Variants in AGBL1 observed in about 807,000 individuals in gnomAD.
The protein encoded by AGBL1 is cytosolic carboxypeptidase 4.
A neutral mutation model predicts 118.9 loss-of-function variants in AGBL1; 130 were observed. The observed-to-expected ratio is 1.09, with a 90% confidence interval of 0.95 to 1.26. The LOEUF (loss-of-function observed/expected upper bound fraction) is 1.26. AGBL1 is among the 50% of genes most tolerant of loss of function. The pLI is 0.00. For missense variants in AGBL1, 1,584 were observed against 1,298.1 expected (o/e 1.22, Z -3.38); for synonymous variants, 555 against 478.9 (o/e 1.16, Z -2.08).
At chr15:87,013,594 G>T (rs1192398308) in intron 24 of AGBL1, among the ~76,000 whole-genome samples, 1 of 151,862 alleles carries the variant, frequency 6.6e-6, no homozygotes, top group Non-Finnish European at 1.5e-5. Context: ...AGTAGGAAGG[G>T]TTCCAAGACC....
intron 18 of AGBL1, among the ~76,000 whole-genome samples, chr15:86,473,745 G>C (rs1213993063): frequency 6.6e-6 from 1 of 152,102 alleles, no homozygotes; most frequent in African/African-American, 2.4e-5. Context: ...TGACTATGCT[G>C]TTTTTGGAAT....
chr15:86,764,279 C>T lies in AGBL1; in HGVS notation c.3158+89843C>T, dbSNP rs138347791. On this transcript the variant is annotated intron_variant, in intron 22 of 22. Coordinates refer to ENST00000614907, the MANE Select transcript of AGBL1 (RefSeq NM_001386094.1). ...ATACATGTAGCAGTACAGCTAAGTA[C>T]CGGGTGATACAATGTAAGCTGTATA... Among the ~76,000 whole-genome samples, 907 of 152,002 alleles carry T rather than the reference C, an allele frequency of 6.0e-3. 8 individuals carry two copies. Among genetic ancestry groups the T allele is most frequent in the Middle Eastern group, 0.017 (5 of 292 alleles).
At chr15:86,616,823 T>A (rs2084734108) in intron 21 of AGBL1, among the ~76,000 whole-genome samples, 1 of 152,208 alleles carries the variant, frequency 6.6e-6, no homozygotes, top group Admixed American at 6.5e-5. Flanking sequence ...TTCAATAAAG[T>A]TGACTCAAAA....
intron 23 of AGBL1, chr15:86,946,373 C>T (rs1596661742): frequency 2.0e-5 from 3 of 150,016 alleles, no homozygotes; most frequent in Middle Eastern, 3.4e-3. Flanking sequence ...AAGGATATAA[C>T]ATTTAGGATT....
intron 23 of AGBL1, among the ~76,000 whole-genome samples, chr15:86,934,219 T>G (rs1464663029): frequency 6.6e-6 from 1 of 152,186 alleles, no homozygotes; most frequent in African/African-American, 2.4e-5. Context: ...GGAGACTTGT[T>G]CTGCAGCTTG....
chr15:86,119,832 G>T (rs763205297), intron 1 of AGBL1, among the ~76,000 whole-genome samples: 7 of 152,122 alleles, frequency 4.6e-5, no homozygotes, highest in Non-Finnish European at 7.3e-5. Context: ...TATCCTTGTG[G>T]ATGGCTCCCC....
chr15:86,154,511 G>C lies in AGBL1; in HGVS notation c.344G>C (p.Gly115Ala). The C allele has an allele frequency of 6.2e-7, 1 of 1,613,100 alleles. No homozygotes were observed. The highest frequency in any genetic ancestry group is 8.5e-7 in the Non-Finnish European group (1 of 1,179,570). The change falls in exon 4 of 23, where the codon GGC becomes GCC. Residue 115 changes from glycine (G) to alanine (A), a missense_variant. Coordinates refer to ENST00000614907, the MANE Select transcript of AGBL1 (RefSeq NM_001386094.1). ...CTGGCCAGGAAGAACCTATCCCATG[G>C]CCAGAATCTCCTCCACTGTCTCTGG... ...LILARKNLSHGQNLLHCLWAL... is the reference protein window; with the variant it reads ...LILARKNLSHAQNLLHCLWAL...
chr15:86,439,535 A>C (rs1432656564), intron 18 of AGBL1, among the ~76,000 whole-genome samples: 1 of 152,204 alleles, frequency 6.6e-6, no homozygotes, highest in African/African-American at 2.4e-5. Flanking sequence ...ATGTGTTATC[A>C]GTTGAAAGAA....
intron 22 of AGBL1, among the ~76,000 whole-genome samples, chr15:86,892,812 A>C (rs996826779): frequency 6.6e-6 from 1 of 152,212 alleles, no homozygotes; most frequent in African/African-American, 2.4e-5. Context: ...ACTCAGGGAC[A>C]CACTTTGTGA....
chr15:86,132,769 A>C (rs183662227), intron 1 of AGBL1, among the ~76,000 whole-genome samples: 1 of 152,142 alleles, frequency 6.6e-6, no homozygotes, highest in Non-Finnish European at 1.5e-5. Flanking sequence ...AGGATTCAAA[A>C]TTGTTTCTGC....
chr15:87,017,709 C>T (rs1394974738), intron 24 of AGBL1, among the ~76,000 whole-genome samples: 1 of 152,134 alleles, frequency 6.6e-6, no homozygotes, highest in African/African-American at 2.4e-5. Flanking sequence ...CACAAAAACC[C>T]TGAAAACCCA....
At chr15:86,777,985 T>G (rs2078282710) in intron 22 of AGBL1, among the ~76,000 whole-genome samples, 1 of 152,132 alleles carries the variant, frequency 6.6e-6, no homozygotes, top group African/African-American at 2.4e-5. Context: ...ATATTTCATG[T>G]AGGTTCTTTT....
chr15:86,812,148 C>A (rs534621284), intron 22 of AGBL1, among the ~76,000 whole-genome samples: 16 of 152,130 alleles, frequency 1.1e-4, no homozygotes, highest in African/African-American at 3.9e-4. Context: ...ACAATGTGTG[C>A]GCTTACTTTT....
intron 18 of AGBL1, among the ~76,000 whole-genome samples, chr15:86,479,786 G>A (rs541201584): frequency 2.4e-4 from 37 of 152,148 alleles, no homozygotes; most frequent in South Asian, 2.1e-4. Context: ...ACATGCACAC[G>A]TATGTTTATT....
intron 17 of AGBL1, among the ~76,000 whole-genome samples, chr15:86,354,153 T>G (rs1370614397): frequency 6.6e-6 from 1 of 152,180 alleles, no homozygotes; most frequent in African/African-American, 2.4e-5. Context: ...AACAGATACT[T>G]TCTCCCAGAA....
intron 21 of AGBL1, among the ~76,000 whole-genome samples, chr15:86,654,651 T>C (rs1179533701): frequency 6.6e-6 from 1 of 152,100 alleles, no homozygotes; most frequent in Non-Finnish European, 1.5e-5. Flanking sequence ...GGTGTCAGGG[T>C]AACGTGTTGG....
In AGBL1 at chr15:86,982,102, T is replaced by A. The variant is rs568233945; in HGVS notation, c.3222-5885T>A. On this transcript the variant is annotated intron_variant, in intron 23 of 24. Transcript: ENST00000441037. The stretch of plus-strand genomic sequence containing the variant: ...GAAGGCCCCAGGTACCTCATGCTGA[T>A]CACATTCTTCTTAATGTCCTCCCAA... 4.6e-5 allele frequency among the ~76,000 whole-genome samples: 7 copies of A among 152,282 alleles called. No individual in the cohort carries two copies. In the East Asian group the frequency reaches 1.2e-3, roughly 25 times the overall value.
intron 18 of AGBL1, among the ~76,000 whole-genome samples, chr15:86,477,515 T>A (rs1042416858): frequency 1.3e-5 from 2 of 152,142 alleles, no homozygotes; most frequent in Admixed American, 1.3e-4. Flanking sequence ...ACATACACCC[T>A]CCCAAGACTA....
At chr15:86,215,666 C>A (rs1597568569) in intron 5 of AGBL1, among the ~76,000 whole-genome samples, 1 of 152,168 alleles carries the variant, frequency 6.6e-6, no homozygotes, top group South Asian at 2.1e-4. Flanking sequence ...TTCTTAGTCT[C>A]TTCATCTGTA....
Sources: gnomAD v4.1 joint callset for allele counts (sites outside exome capture counted in the v4.1 genomes callset) on GRCh38, gnomAD v4.1.1 for gene constraint, MANE v1.5 for transcripts, NCBI Gene and HGNC (gene_info 2026-07-23, HGNC 2026-07-21) for gene names.